The following TENT4B variants were observed in gnomAD, a reference collection of about 807,000 sequenced individuals.
TENT4B encodes the protein terminal nucleotidyltransferase 4B.
A neutral mutation model predicts 75.0 loss-of-function variants in TENT4B; 10 were observed. That is an observed-to-expected ratio of 0.13 (90% CI 0.08 to 0.23). The LOEUF (loss-of-function observed/expected upper bound fraction) is 0.23. TENT4B is among the 10% of genes least tolerant of loss of function. The pLI, the probability that TENT4B is intolerant of heterozygous loss-of-function variation, is 1.00. For missense variants in TENT4B, 579 were observed against 893.8 expected (o/e 0.65, Z 4.49); for synonymous variants, 350 against 357.7 (o/e 0.98, Z 0.24).
At chr16:50,154,397 G>C in intron 1 of TENT4B, 138 bp downstream of exon 1, 1 of 1,280,238 alleles carries the variant, frequency 7.8e-7, no homozygotes, top group Non-Finnish European at 1.0e-6. Flanking sequence ...CGGGGGTGCT[G>C]CTGGCCATCC....
chr16:50,217,493 TC>T, intron 4 of TENT4B, 62 bp from the exon 5 acceptor site: 1 of 866,574 alleles, frequency 1.2e-6, no homozygotes, highest in Non-Finnish European at 1.7e-6. Flanking sequence ...TAGGCTTCCA[TC>T]CCCTGATTTT....
rs370159638 is a variant in TENT4B, at chr16:50,206,867, G to C, written c.639-4456G>C. On this transcript the variant is annotated intron_variant, in intron 1 of 11. Coordinates refer to ENST00000561678, the MANE Select transcript of TENT4B (RefSeq NM_001365324.3). ...AAATTCACATAATTTTGATAGGCTG[G>C]ATTCCTTTTCTGTAGCAGATCTTTC... is the stretch of plus-strand genomic sequence containing the variant. Among the ~76,000 whole-genome samples, 132 of 150,956 alleles carry C rather than the reference G, an allele frequency of 8.7e-4. No individual in the cohort carries two copies. In the South Asian group the frequency reaches 0.027, roughly 31 times the overall value.
intron 1 of TENT4B, among the ~76,000 whole-genome samples, chr16:50,182,401 A>G (rs1262969262): frequency 6.6e-6 from 1 of 152,248 alleles, no homozygotes; most frequent in African/African-American, 2.4e-5. Context: ...TGACTAAAAT[A>G]TTAACTCCAA....
intron 1 of TENT4B, among the ~76,000 whole-genome samples, chr16:50,159,455 G>C (rs62029916): frequency 0.035 from 5,326 of 152,054 alleles, 115 homozygotes; most frequent in Middle Eastern, 0.044. Context: ...GGTCAGGCTG[G>C]TGTCAAACTC....
chr16:50,230,012 T>C lies in TENT4B; in HGVS notation c.*684T>C. On this transcript the variant is annotated 3_prime_UTR_variant, in exon 12 of 12. Transcript: ENST00000561678. ...GTGATTAGTTCTATTACTCAATTTG[T>C]TTTTCTCAGCATTGAAATGACTTAA... 1.0e-6 allele frequency: 1 copy of C among 983,692 alleles called. No homozygotes were observed. Among genetic ancestry groups the C allele is most frequent in the Non-Finnish European group, 1.2e-6 (1 of 828,172 alleles). The allele number at this position is 983,692 out of a possible 1,614,324, so 60.9% of individuals were successfully genotyped here. A position where few individuals can be genotyped will look rare whatever the true frequency, so the allele number is the denominator to read the frequency against.
chr16:50,195,547 G>A (rs988515498), intron 1 of TENT4B, among the ~76,000 whole-genome samples: 3 of 152,270 alleles, frequency 2.0e-5, no homozygotes, highest in African/African-American at 7.2e-5. Flanking sequence ...GGACAATTAT[G>A]GGTGTGTTTA....
At chr16:50,181,665 T>G (rs931822953) in intron 1 of TENT4B, among the ~76,000 whole-genome samples, 1 of 151,968 alleles carries the variant, frequency 6.6e-6, no homozygotes, top group African/African-American at 2.4e-5. Flanking sequence ...AACACAGAGG[T>G]TGTTTCCAGT....
chr16:50,218,989 G>A (rs867625361), intron 5 of TENT4B, among the ~76,000 whole-genome samples: 1 of 151,882 alleles, frequency 6.6e-6, no homozygotes, highest in South Asian at 2.1e-4. Flanking sequence ...AGAAAAAAAT[G>A]TTAACTACTT....
At chr16:50,173,013 T>C (rs554143363) in intron 1 of TENT4B, among the ~76,000 whole-genome samples, 15 of 152,258 alleles carry the variant, frequency 9.9e-5, no homozygotes, top group East Asian at 1.9e-4. Flanking sequence ...CAATCTTGGC[T>C]CACTGCAAAC....
At chr16:50,153,128 C>T (rs916669088), upstream of TENT4B, 7 of 921,448 alleles carry the variant, frequency 7.6e-6, no homozygotes, top group African/African-American at 1.3e-4. Flanking sequence ...GGCGAGGCCT[C>T]CCGGGCTGCT....
Position 50,233,884 on chromosome 16 carries a change from A to G in TENT4B, c.*4556A>G, listed in dbSNP as rs1486959757. 1 of 985,326 alleles carries G rather than the reference A, an allele frequency of 1.0e-6. No individual in the cohort carries two copies. Among genetic ancestry groups the G allele is most frequent in the Admixed American group, 6.1e-5 (1 of 16,266 alleles). 61.0% of individuals were successfully genotyped at this position (985,326 alleles called of 1,614,324 possible). On this transcript the variant is annotated 3_prime_UTR_variant, in exon 12 of 12. Coordinates refer to ENST00000561678, the MANE Select transcript of TENT4B (RefSeq NM_001365324.3). ...TGAGAGATATTTTAGCTATGTCAAT[A>G]AGAACAGCTAATGATGTGGAAATCA...
At chr16:50,227,408 A>T (rs2032104594) in intron 10 of TENT4B, among the ~76,000 whole-genome samples, 1 of 152,140 alleles carries the variant, frequency 6.6e-6, no homozygotes, top group South Asian at 2.1e-4. Flanking sequence ...GTCCACCCCC[A>T]CCCACACCAG....
chr16:50,228,088 T>A, intron 11 of TENT4B, 85 bp downstream of exon 11: 1 of 1,485,922 alleles, frequency 6.7e-7, no homozygotes, highest in East Asian at 2.5e-5. Context: ...GCAGCATGGG[T>A]TTGAAGAAAA....
At chr16:50,160,024 T>C (rs957110254) in intron 1 of TENT4B, among the ~76,000 whole-genome samples, 6 of 152,032 alleles carry the variant, frequency 3.9e-5, no homozygotes, top group African/African-American at 1.2e-4. Flanking sequence ...CTCAGCCTCC[T>C]GAGTAGCTGG....
intron 1 of TENT4B, among the ~76,000 whole-genome samples, chr16:50,202,505 TTTTTTTTCTTCACTCAGATA>T (rs1411025408): frequency 6.6e-6 from 1 of 152,024 alleles, no homozygotes; most frequent in African/African-American, 2.4e-5. Flanking sequence ...TTGTGCTTTG[TTTTTTTTCTTCACTCAGATA>T]TTTGAGGATT....
intron 1 of TENT4B, among the ~76,000 whole-genome samples, chr16:50,162,149 GAGT>G (rs1320510245): frequency 6.6e-6 from 1 of 151,976 alleles, no homozygotes; most frequent in Non-Finnish European, 1.5e-5. Context: ...TTTTACTATT[GAGT>G]AGTAGTCCAT....
At chr16:50,159,491 C>T (rs1409114060) in intron 1 of TENT4B, among the ~76,000 whole-genome samples, 3 of 152,084 alleles carry the variant, frequency 2.0e-5, no homozygotes, top group Non-Finnish European at 4.4e-5. Flanking sequence ...CTACCTGCCT[C>T]GGCCGCCCAA....
At chr16:50,155,272 G>GATGTGTGTGTGT (rs2037871396) in intron 1 of TENT4B, among the ~76,000 whole-genome samples, 1 of 135,372 alleles carries the variant, frequency 7.4e-6, no homozygotes, top group South Asian at 2.6e-4. Flanking sequence ...GGGTCTCGTG[G>GATGTGTGTGTGT]GTGTGTGTGT....
At chr16:50,183,918 CATTTA>C (rs1369403125) in intron 1 of TENT4B, among the ~76,000 whole-genome samples, 4 of 152,134 alleles carry the variant, frequency 2.6e-5, no homozygotes. Context: ...GTGGCTAACC[CATTTA>C]AAGTGGGTGA....
Sources: allele counts gnomAD v4.1 joint callset (sites outside exome capture counted in the v4.1 genomes callset), GRCh38; gene constraint gnomAD v4.1.1; transcripts MANE v1.5; gene names NCBI Gene and HGNC (gene_info 2026-07-23, HGNC 2026-07-21).